The following DNAH7 variants were observed in gnomAD, a reference collection of about 807,000 sequenced individuals.
DNAH7 encodes dynein axonemal heavy chain 7, also known as axonemal beta dynein heavy chain 7.
Under a neutral mutation model 444.6 loss-of-function variants are expected in DNAH7, and 397 were observed. That is an observed-to-expected ratio of 0.89 (90% CI 0.82 to 0.97). The LOEUF (loss-of-function observed/expected upper bound fraction) is 0.97, where lower values mean the gene tolerates loss of function less well. Among genes scored for constraint, DNAH7 ranks in the 50% least tolerant of loss-of-function variants. The probability of loss-of-function intolerance (pLI) is 0.00; values close to 1 mark genes in which losing one functional copy is unlikely to be tolerated. For synonymous variants in DNAH7, 1,636 were observed against 1,624.4 expected (o/e 1.01, Z -0.17); for missense variants, 4,902 against 4,800.8 (o/e 1.02, Z -0.62).
intron 18 of DNAH7, 150 bp from the exon 19 acceptor site, chr2:195,957,597 CAATTGTTATACATTATATACAATCTTGT>C: frequency 2.4e-6 from 1 of 414,906 alleles, no homozygotes; most frequent in Non-Finnish European, 4.2e-6. Context: ...TAATGTTATA[CAATTGTTATACATTATATACAATCTTGT>C]ATATAATGTT....
intron 55 of DNAH7, among the ~76,000 whole-genome samples, chr2:195,797,273 T>C (rs1038652145): frequency 1.3e-5 from 2 of 152,246 alleles, no homozygotes; most frequent in African/African-American, 4.8e-5. Flanking sequence ...TGTATTCTAA[T>C]TCGTCCCTGG....
chr2:196,054,503 CAG>C (rs1273623260), intron 2 of DNAH7, among the ~76,000 whole-genome samples: 1 of 152,162 alleles, frequency 6.6e-6, no homozygotes, highest in Non-Finnish European at 1.5e-5. Context: ...GCCTGGGCAA[CAG>C]AGAGACACCT....
At chr2:195,950,868 A>AACAAAAAAAAAC (rs1690194043) in intron 19 of DNAH7, among the ~76,000 whole-genome samples, 4 of 138,152 alleles carry the variant, frequency 2.9e-5, no homozygotes, top group African/African-American at 1.2e-4. Flanking sequence ...AAAAAAAAAA[A>AACAAAAAAAAAC]AAAAAAAAAA....
rs753010102 is a variant in DNAH7 at position 195,970,014 on chromosome 2, C to A, written c.2139G>T (p.Gln713His). 6.2e-7 allele frequency: 1 copy of A among 1,612,640 alleles called. No individual in the cohort carries two copies. Among genetic ancestry groups the A allele is most frequent in the Non-Finnish European group, 8.5e-7 (1 of 1,179,502 alleles). The change falls in exon 17 of 65, where the codon CAG (glutamine) becomes CAT (histidine). Residue 713 changes from glutamine to histidine, a missense_variant. Transcript: ENST00000312428. ...CCTTTTTTAGGTACCGCTGAACATCCTGAAGATCTCCAAATGAATAAAATT... is the reference window on the plus strand; with the variant it reads ...CCTTTTTTAGGTACCGCTGAACATCATGAAGATCTCCAAATGAATAAAATT... ...SEEFYSFGDL[Q>H]DVQRYLKKAQ...
chr2:195,959,206 A>G (rs529356314), intron 18 of DNAH7, among the ~76,000 whole-genome samples: 8 of 152,340 alleles, frequency 5.3e-5, no homozygotes, highest in Admixed American at 1.3e-4. Flanking sequence ...TAATGAGTTC[A>G]CCAAGTAACC....
chr2:195,952,749 C>T (rs1690351593), intron 19 of DNAH7, among the ~76,000 whole-genome samples: 1 of 152,066 alleles, frequency 6.6e-6, no homozygotes, highest in African/African-American at 2.4e-5. Flanking sequence ...GTATGGTTCA[C>T]AAAGTTCTCG....
chr2:195,838,632 A>T (rs1176105379), intron 47 of DNAH7, among the ~76,000 whole-genome samples: 1 of 152,040 alleles, frequency 6.6e-6, no homozygotes, highest in Non-Finnish European at 1.5e-5. Flanking sequence ...TTGATCAACA[A>T]GGAGAGACAC....
chr2:195,778,643 A>AATATATATATATAT (rs1169066622), intron 58 of DNAH7, among the ~76,000 whole-genome samples: 3 of 56,218 alleles, frequency 5.3e-5, no homozygotes, highest in South Asian at 6.4e-4. Context: ...TAAATAAATA[A>AATATATATATATAT]ATATATATAT....
intron 20 of DNAH7, among the ~76,000 whole-genome samples, chr2:195,935,316 A>G (rs1393211466): frequency 6.6e-6 from 1 of 152,142 alleles, no homozygotes; most frequent in Non-Finnish European, 1.5e-5. Context: ...GACTGACACA[A>G]CTCATTTTTG....
At chr2:195,739,255 T>G (rs1386304386) in intron 64 of DNAH7, among the ~76,000 whole-genome samples, 1 of 152,224 alleles carries the variant, frequency 6.6e-6, no homozygotes, top group African/African-American at 2.4e-5. Context: ...TATTTTAAAC[T>G]TTTGTGCCCA....
At chr2:196,013,297 T>C (rs780680330) in intron 9 of DNAH7, among the ~76,000 whole-genome samples, 1 of 152,176 alleles carries the variant, frequency 6.6e-6, no homozygotes, top group Non-Finnish European at 1.5e-5. Context: ...GGCCCTCATT[T>C]CAGGCAGCCA....
intron 64 of DNAH7, 130 bp from the exon 65 acceptor site, chr2:195,738,257 C>T (rs1202994349): frequency 2.6e-6 from 2 of 758,602 alleles, no homozygotes; most frequent in Non-Finnish European, 4.3e-6. Flanking sequence ...TTATTTTCAC[C>T]AGCAGTGTTG....
chr2:195,822,905 T>C (rs1167151784), intron 49 of DNAH7, among the ~76,000 whole-genome samples: 1 of 152,250 alleles, frequency 6.6e-6, no homozygotes, highest in Non-Finnish European at 1.5e-5. Flanking sequence ...ATATTGCTAA[T>C]AAGTAACACT....
Position 195,861,923 on chromosome 2 carries a change from C to T in DNAH7, c.7530G>A (p.Gln2510=). 1.2e-6 allele frequency: 2 copies of T among 1,613,694 alleles called. No homozygotes were observed. The highest frequency in any genetic ancestry group is 1.3e-5 in the African/African-American group (1 of 75,038). ...WFQSWPEDAL[Q]AVASRFLEEI... ...CTTCCAAGAATCGTGAGGCAACTGCCTGGAGTGCATCTTCAGGCCATGACT... is the reference window on the plus strand; with the variant it reads ...CTTCCAAGAATCGTGAGGCAACTGCTTGGAGTGCATCTTCAGGCCATGACT... The change falls in exon 42 of 65, where the codon CAG becomes CAA. Residue 2510 remains glutamine (Q), a synonymous_variant. Transcript: ENST00000312428.
intron 21 of DNAH7, among the ~76,000 whole-genome samples, chr2:195,932,938 T>C (rs540170398): frequency 3.9e-5 from 6 of 152,308 alleles, no homozygotes; most frequent in African/African-American, 1.4e-4. Flanking sequence ...CCTCATAAAA[T>C]GAGTTAGGGA....
chr2:195,865,088 T>C (rs1049398337), intron 40 of DNAH7, 67 bp from the exon 41 acceptor site: 60 of 1,442,980 alleles, frequency 4.2e-5, no homozygotes, highest in Non-Finnish European at 5.4e-5. Context: ...TTATTATATC[T>C]GTGCTAATCT....
chr2:195,892,842 C>T (rs1465250271), intron 30 of DNAH7: 5 of 150,094 alleles, frequency 3.3e-5, no homozygotes, highest in Non-Finnish European at 7.4e-5. Context: ...AAAAACATAA[C>T]AAGTTCAACT....
chr2:195,752,965 T>A (rs1457903346), intron 63 of DNAH7, among the ~76,000 whole-genome samples: 1 of 152,154 alleles, frequency 6.6e-6, no homozygotes, highest in Non-Finnish European at 1.5e-5. Context: ...TGAGCGGAGA[T>A]ACAGGACAGC....
intron 27 of DNAH7, 175 bp from the exon 28 acceptor site, chr2:195,900,669 G>A: frequency 1.8e-6 from 1 of 565,476 alleles, no homozygotes; most frequent in Non-Finnish European, 3.1e-6. Flanking sequence ...GGGGCAATGG[G>A]GAGAGGCTGG....
Sources: allele counts gnomAD v4.1 joint callset (sites outside exome capture counted in the v4.1 genomes callset), GRCh38; gene constraint gnomAD v4.1.1; transcripts MANE v1.5; gene names NCBI Gene and HGNC (gene_info 2026-07-23, HGNC 2026-07-21).